The following LMOD1 variants were observed in gnomAD, a reference collection of about 807,000 sequenced individuals.
The protein encoded by LMOD1 is leiomodin-1.
Under a neutral mutation model 36.5 loss-of-function variants are expected in LMOD1, and 8 were observed. That is an observed-to-expected ratio of 0.22 (90% confidence interval 0.13 to 0.40). LMOD1 has a LOEUF of 0.40. Among genes scored for constraint, LMOD1 ranks in the 10% least tolerant of loss-of-function variants. The probability of loss-of-function intolerance (pLI) is 1.00; values close to 1 mark genes in which losing one functional copy is unlikely to be tolerated. For missense variants in LMOD1, 630 were observed against 751.1 expected (o/e 0.84, Z 1.88); for synonymous variants, 284 against 288.7 (o/e 0.98, Z 0.17).
intron 1 of LMOD1, among the ~76,000 whole-genome samples, chr1:201,911,288 C>T (rs762802861): frequency 6.6e-6 from 1 of 152,186 alleles, no homozygotes; most frequent in Non-Finnish European, 1.5e-5. Context: ...GAGGAGGGAC[C>T]ATCTAGAGGA....
chr1:201,921,209 G>A (rs1681697698), intron 1 of LMOD1, among the ~76,000 whole-genome samples: 1 of 151,916 alleles, frequency 6.6e-6, no homozygotes, highest in African/African-American at 2.4e-5. Context: ...AAAGATCTGG[G>A]CTGGGCGCAG....
intron 1 of LMOD1, among the ~76,000 whole-genome samples, chr1:201,915,861 G>A (rs1681600390): frequency 1.3e-5 from 2 of 152,006 alleles, no homozygotes; most frequent in Admixed American, 1.3e-4. Context: ...ATCCTTGCAC[G>A]GCAGCCCCAG....
intron 1 of LMOD1, among the ~76,000 whole-genome samples, chr1:201,941,047 AT>A (rs1168181425): frequency 0.019 from 2,618 of 141,030 alleles, 74 homozygotes; most frequent in African/African-American, 0.061. Context: ...GTGCCTGGCC[AT>A]TTTTTTTTTT....
intron 1 of LMOD1, among the ~76,000 whole-genome samples, chr1:201,908,895 C>T (rs368579480): frequency 6.6e-6 from 1 of 152,220 alleles, no homozygotes; most frequent in South Asian, 2.1e-4. Flanking sequence ...CTGCTCCCAA[C>T]CTTAGGCCCT....
chr1:201,934,005 A>C (rs1396031258), intron 1 of LMOD1, among the ~76,000 whole-genome samples: 1 of 152,104 alleles, frequency 6.6e-6, no homozygotes, highest in African/African-American at 2.4e-5. Context: ...GCTGTCAGTC[A>C]TATGCTGGGA....
chr1:201,916,081 C>T (rs564010589), intron 1 of LMOD1, among the ~76,000 whole-genome samples: 5 of 152,116 alleles, frequency 3.3e-5, no homozygotes, highest in East Asian at 1.9e-4. Flanking sequence ...CCACACCCAG[C>T]GGATTTTTGT....
At position 201,924,160 on chromosome 1, in the gene LMOD1, C is replaced by CAAAA. The variant is rs569997969; in HGVS notation, c.261+21916_261+21919dup. On this transcript the variant is annotated intron_variant, in intron 1 of 2. Transcript: ENST00000367288. The stretch of plus-strand genomic sequence containing the variant: ...TGAAACCCCATCTCTAATAAAATAC[C>CAAAA]AAAAAAAAAAAAAATTAGCCGGGAG... Among the ~76,000 whole-genome samples, 20 of 137,278 alleles carry CAAAA rather than the reference C, an allele frequency of 1.5e-4. No homozygotes were observed. The East Asian group carries it at 1.9e-3, about 13-fold the overall frequency. 90.1% of individuals were successfully genotyped at this position (137,278 alleles called of 152,430 possible).
At chr1:201,936,540 C>T (rs11584296) in intron 1 of LMOD1, among the ~76,000 whole-genome samples, 27,306 of 152,032 alleles carry the variant, frequency 0.18, 2,579 homozygotes, top group Middle Eastern at 0.23. Flanking sequence ...CTCTGACATG[C>T]TAACCCTGCC....
chr1:201,897,206 A>C lies in LMOD1; in HGVS notation c.*1166T>G. 3 of 178,318 alleles carry C rather than the reference A, an allele frequency of 1.7e-5. No individual in the cohort carries two copies. Among genetic ancestry groups the C allele is most frequent in the South Asian group, 1.2e-4 (1 of 8,578 alleles). 11.0% of individuals were successfully genotyped at this position (178,318 alleles called of 1,614,324 possible). A position where few individuals can be genotyped will look rare whatever the true frequency, so the allele number is the denominator to read the frequency against. On this transcript the variant is annotated 3_prime_UTR_variant, in exon 3 of 3. Transcript: ENST00000367288. ...TATGGGTGCTATTCTCCAAATAGTC[A>C]CTCCACTTCTCTGCCTGCCGCCTTC...
chr1:201,921,122 G>A (rs999278489), intron 1 of LMOD1, among the ~76,000 whole-genome samples: 3 of 151,892 alleles, frequency 2.0e-5, no homozygotes, highest in Non-Finnish European at 4.4e-5. Flanking sequence ...ATGGAGCGGG[G>A]AGATGAGGGT....
At chr1:201,905,388 C>CA (rs1231844781) in intron 1 of LMOD1, among the ~76,000 whole-genome samples, 1 of 152,228 alleles carries the variant, frequency 6.6e-6, no homozygotes, top group Non-Finnish European at 1.5e-5. Flanking sequence ...TTGATAGGTT[C>CA]AGATGGGCAG....
At chr1:201,915,377 T>A (rs1462214235) in intron 1 of LMOD1, among the ~76,000 whole-genome samples, 3 of 152,142 alleles carry the variant, frequency 2.0e-5, no homozygotes, top group Admixed American at 2.0e-4. Flanking sequence ...CAAAGCTGGA[T>A]CTCTGGGCCA....
intron 1 of LMOD1, among the ~76,000 whole-genome samples, chr1:201,923,380 AT>A (rs543895448): frequency 1.3e-5 from 2 of 152,086 alleles, no homozygotes; most frequent in African/African-American, 4.8e-5. Flanking sequence ...GGGACAGATT[AT>A]TTTTTCTATT....
chr1:201,933,442 A>G (rs1344931340), intron 1 of LMOD1, among the ~76,000 whole-genome samples: 1 of 150,904 alleles, frequency 6.6e-6, no homozygotes, highest in Non-Finnish European at 1.5e-5. Flanking sequence ...ATAGACAACA[A>G]CATGGTTGCA....
Position 201,946,285 on chromosome 1 carries a change from C to T in LMOD1, c.56G>A (p.Ser19Asn). The T allele has an allele frequency of 1.9e-6, 3 of 1,614,020 alleles. No homozygotes were observed. Among genetic ancestry groups the T allele is most frequent in the Non-Finnish European group, 2.5e-6 (3 of 1,179,900 alleles). The change falls in exon 1 of 3, where the codon AGC becomes AAC. Residue 19 changes from serine (S) to asparagine (N), a missense_variant. This residue lies in a region of LMOD1 where 405 missense variants were observed against 400.6 expected (regional missense o/e 1.01). Coordinates refer to ENST00000367288, the MANE Select transcript of LMOD1 (RefSeq NM_012134.3). Reference sequence around the variant, plus strand: ...CTCGGGAGACAGGGTCTCCAGCAGGCTGTCGATGTCGGGGTCTTCACTCAC... The same window carrying T: ...CTCGGGAGACAGGGTCTCCAGCAGGTTGTCGATGTCGGGGTCTTCACTCAC... ...RQVSEDPDID[S>N]LLETLSPEEM...
chr1:201,918,975 C>G (rs1314810569), intron 1 of LMOD1, among the ~76,000 whole-genome samples: 1 of 152,090 alleles, frequency 6.6e-6, no homozygotes, highest in Non-Finnish European at 1.5e-5. Flanking sequence ...TCACTATAAC[C>G]TCAAACTCCT....
intron 1 of LMOD1, among the ~76,000 whole-genome samples, chr1:201,931,989 G>A (rs962610981): frequency 6.6e-6 from 1 of 151,214 alleles, no homozygotes; most frequent in East Asian, 1.9e-4. Flanking sequence ...TGAGGGCTTG[G>A]CTGAGGTTAT....
chr1:201,920,878 A>G (rs1256147318), intron 1 of LMOD1, among the ~76,000 whole-genome samples: 1 of 152,164 alleles, frequency 6.6e-6, no homozygotes, highest in Admixed American at 6.6e-5. Flanking sequence ...ATAAAAATAA[A>G]TAAATAAATA....
intron 1 of LMOD1, among the ~76,000 whole-genome samples, chr1:201,920,306 C>T (rs1015875764): frequency 2.0e-5 from 3 of 151,882 alleles, no homozygotes; most frequent in African/African-American, 7.3e-5. Flanking sequence ...ACGATCCGCC[C>T]GCCTCAGCCT....
Sources: allele counts gnomAD v4.1 joint callset (sites outside exome capture counted in the v4.1 genomes callset), GRCh38; gene constraint gnomAD v4.1.1; regional missense constraint gnomAD v4.1.1; transcripts MANE v1.5; gene names NCBI Gene and HGNC (gene_info 2026-07-23, HGNC 2026-07-21).